ZNF14: variants seen among roughly 807,000 people sequenced by gnomAD.
The protein encoded by ZNF14 is gonadotropin inducible transcription repressor-4.
In ZNF14, 9 loss-of-function variants were observed where a neutral mutation model predicts 11.3. That is an observed-to-expected ratio of 0.80 (90% CI 0.48 to 1.39). The LOEUF (loss-of-function observed/expected upper bound fraction) is 1.39, where lower values mean the gene tolerates loss of function less well. Among genes scored for constraint, ZNF14 ranks in the 40% most tolerant of loss-of-function variants. The probability of loss-of-function intolerance (pLI) is 0.00; values close to 1 mark genes in which losing one functional copy is unlikely to be tolerated. For synonymous variants in ZNF14, 239 were observed against 245.7 expected (o/e 0.97, Z 0.25); for missense variants, 711 against 763.9 (o/e 0.93, Z 0.82).
chr19:19,712,283 CGA>C lies in ZNF14; in HGVS notation c.996_997del (p.Arg333ThrfsTer3). On this transcript the variant is annotated frameshift_variant, in exon 4 of 4. Coordinates refer to ENST00000344099, the MANE Select transcript of ZNF14 (RefSeq NM_021030.3). LOFTEE classifies it low-confidence loss of function (END_TRUNC). ...CCCACATTCTTTACATTTATAAGGT[CGA>C]GCCCCAGTGTGTATTATTACATGTG... 1 of 1,613,586 alleles carries C rather than the reference CGA, an allele frequency of 6.2e-7. No homozygotes were observed. The highest frequency in any genetic ancestry group is 8.5e-7 in the Non-Finnish European group (1 of 1,179,920).
rs1234336092 is a variant in ZNF14 at position 19,725,307 on chromosome 19, G to A, written c.3+7649C>T. On this transcript the variant is annotated intron_variant, in intron 1 of 3. Transcript: ENST00000344099. ...AAAATCTCTCAGCATTTGTTTGTCT[G>A]TAAAGGATTTTATTTCTCCTTCACT... Among the ~76,000 whole-genome samples, 2 of 133,362 alleles carry A rather than the reference G, an allele frequency of 1.5e-5. 1 individual carries two copies. 87.5% of individuals were successfully genotyped at this position (133,362 alleles called of 152,430 possible). A position where few individuals can be genotyped will look rare whatever the true frequency, so the allele number is the denominator to read the frequency against.
At chr19:19,715,427 C>T (rs2062375172) in intron 1 of ZNF14, among the ~76,000 whole-genome samples, 1 of 152,168 alleles carries the variant, frequency 6.6e-6, no homozygotes, top group Non-Finnish European at 1.5e-5. Flanking sequence ...TATTTAGGTG[C>T]ACCCACCCAG....
At chr19:19,732,545 G>C (rs142175768) in intron 1 of ZNF14, among the ~76,000 whole-genome samples, 1 of 152,358 alleles carries the variant, frequency 6.6e-6, no homozygotes, top group East Asian at 1.9e-4. Flanking sequence ...CGGCAGCAAG[G>C]ACCTAGCCAG....
intron 1 of ZNF14, among the ~76,000 whole-genome samples, chr19:19,731,583 A>G (rs78125585): frequency 1.3e-5 from 2 of 152,108 alleles, no homozygotes; most frequent in Admixed American, 6.6e-5. Context: ...CTCAAAAAAA[A>G]GAAAAAAAAC....
At position 19,713,083 on chromosome 19, in the gene ZNF14, A is replaced by G; in HGVS notation, c.198T>C (p.His66=). 6.4e-7 allele frequency: 1 copy of G among 1,568,920 alleles called. No homozygotes were observed. Among genetic ancestry groups the G allele is most frequent in the Non-Finnish European group, 8.6e-7 (1 of 1,160,086 alleles). ...HRNQGKNRRC[H]MVERLCESRR... is the part of the protein sequence containing the mutation. Reference sequence around the variant, plus strand: ...TACTTTCACAGAGTCTCTCAACCATATGACATCTGTAAAAAATGAATAGCA... The same window carrying G: ...TACTTTCACAGAGTCTCTCAACCATGTGACATCTGTAAAAAATGAATAGCA... Residue 66 remains histidine (H), a synonymous_variant, in exon 4 of 4, where the codon CAT becomes CAC. Transcript: ENST00000344099.
intron 1 of ZNF14, among the ~76,000 whole-genome samples, chr19:19,715,577 G>A (rs554816268): frequency 2.6e-5 from 4 of 152,156 alleles, no homozygotes; most frequent in Non-Finnish European, 5.9e-5. Flanking sequence ...ATTAAAACAC[G>A]CATTACATTA....
Position 19,712,006 on chromosome 19 carries a change from A to G in ZNF14, c.1275T>C (p.Gly425=). The part of the protein sequence containing the change: ...GEKPYECKQC[G]KTFSFSSSLQ... ...GGGAACTTGAAAAACTGAAGGTTTT[A>G]CCACATTGTTTACATTCATAGGGTT... The change falls in exon 4 of 4, where the codon GGT becomes GGC. Residue 425 remains glycine, a synonymous_variant. Coordinates refer to ENST00000344099, the MANE Select transcript of ZNF14 (RefSeq NM_021030.3). The G allele has an allele frequency of 6.2e-7, 1 of 1,612,572 alleles. No homozygotes were observed. Among genetic ancestry groups the G allele is most frequent in the Non-Finnish European group, 8.5e-7 (1 of 1,179,574 alleles).
chr19:19,717,278 A>G (rs185700558), intron 1 of ZNF14, among the ~76,000 whole-genome samples: 6 of 152,274 alleles, frequency 3.9e-5, no homozygotes, highest in Admixed American at 3.9e-4. Context: ...CACCGGTTTA[A>G]TTACAAAACA....
In ZNF14 at chr19:19,711,397, A is replaced by C; in HGVS notation, c.1884T>G (p.Ser628Arg). The change falls in exon 4 of 4, where the codon AGT becomes AGG. Residue 628 changes from serine to arginine, a missense_variant. Ser to Arg is a moderately radical substitution (Grantham distance 110). Coordinates refer to ENST00000344099, the MANE Select transcript of ZNF14 (RefSeq NM_021030.3). Reference sequence around the variant, plus strand: ...GAGTCCTTTCATGCAGTCGAAAGTGACTGGAAGAAATGAAGGCTTTTCCAC... The same window carrying C: ...GAGTCCTTTCATGCAGTCGAAAGTGCCTGGAAGAAATGAAGGCTTTTCCAC... ...KQCGKAFISS[S>R]HFRLHERTHM... is the part of the protein sequence containing the mutation. 6.3e-7 allele frequency: 1 copy of C among 1,590,952 alleles called. No homozygotes were observed. Among genetic ancestry groups the C allele is most frequent in the Non-Finnish European group, 8.5e-7 (1 of 1,170,528 alleles).
Position 19,712,196 on chromosome 19 carries a change from G to C in ZNF14, c.1085C>G (p.Pro362Arg). 6.2e-7 allele frequency: 1 copy of C among 1,613,962 alleles called. No homozygotes were observed. Among genetic ancestry groups the C allele is most frequent in the South Asian group, 1.1e-5 (1 of 91,048 alleles). ...TTTGCCACATCGTTTACATTCATAT[G>C]GTTTTTCTCCAATATGAGTTCTTTC... ...VHERTHIGEK[P>R]YECKRCGKSF... The change falls in exon 4 of 4, where the codon CCA becomes CGA. Residue 362 changes from proline to arginine, a missense_variant. Physicochemically the swap from Pro to Arg is moderately radical, Grantham distance 103 (BLOSUM62 -2). Transcript: ENST00000344099.
At chr19:19,726,181 C>T (rs2036972080) in intron 1 of ZNF14, among the ~76,000 whole-genome samples, 1 of 134,590 alleles carries the variant, frequency 7.4e-6, no homozygotes, top group African/African-American at 2.7e-5. Flanking sequence ...TTAGAATTTT[C>T]AGCTTTTCTG....
Position 19,728,747 on chromosome 19 carries a change from C to T in ZNF14, c.3+4209G>A, listed in dbSNP as rs1377260578. Among the ~76,000 whole-genome samples, 8 of 117,012 alleles carry T rather than the reference C, an allele frequency of 6.8e-5. 2 individuals are homozygous for T. The highest frequency in any genetic ancestry group is 1.7e-4 in the Admixed American group (2 of 11,906). 76.8% of individuals were successfully genotyped at this position (117,012 alleles called of 152,430 possible). On this transcript the variant is annotated intron_variant, in intron 1 of 3. Coordinates refer to ENST00000344099, the MANE Select transcript of ZNF14 (RefSeq NM_021030.3). ...CATATACCCAACTTTCAGACCTCCACGGGAAAAAATACCAATGCCACTGGG... is the reference window on the plus strand; with the variant it reads ...CATATACCCAACTTTCAGACCTCCATGGGAAAAAATACCAATGCCACTGGG...
chr19:19,718,256 T>C (rs529043695), intron 1 of ZNF14, among the ~76,000 whole-genome samples: 1 of 152,300 alleles, frequency 6.6e-6, no homozygotes, highest in East Asian at 1.9e-4. Context: ...ATGGAAATGT[T>C]GAACAATATG....
rs551234505 is a variant in ZNF14 at position 19,727,480 on chromosome 19, T to A, written c.3+5476A>T. On this transcript the variant is annotated intron_variant, in intron 1 of 3. Transcript: ENST00000344099. The stretch of plus-strand genomic sequence containing the variant: ...AAAGGGATATAACAGATACAACAAC[T>A]ACTACTACTACTACTTCTGTTCCTA... Among the ~76,000 whole-genome samples the A allele has an allele frequency of 2.1e-4, 27 of 131,550 alleles. 9 individuals are homozygous for A. Among genetic ancestry groups the A allele is most frequent in the African/African-American group, 5.4e-4 (19 of 35,508 alleles). The allele number at this position is 131,550 out of a possible 152,430, so 86.3% of individuals were successfully genotyped here.
At position 19,711,083 on chromosome 19, in the gene ZNF14, AAAAAAAC is replaced by A. The variant is rs889694760; in HGVS notation, c.*262_*268del. The A allele has an allele frequency of 8.9e-5, 32 of 361,580 alleles. No individual in the cohort carries two copies. The highest frequency in any genetic ancestry group is 1.7e-4 in the Admixed American group (4 of 23,306). The allele number at this position is 361,580 out of a possible 1,614,324, so 22.4% of individuals were successfully genotyped here. On this transcript the variant is annotated 3_prime_UTR_variant, in exon 4 of 4. Transcript: ENST00000344099. ...TGAGCCAACAAGCTTGGCCTTTTTTAAAAAAACAAAAAACAAAAAACAAAACAGATTT... is the reference window on the plus strand; with the variant it reads ...TGAGCCAACAAGCTTGGCCTTTTTTAAAAAAACAAAAAACAAAACAGATTT...
intron 1 of ZNF14, among the ~76,000 whole-genome samples, chr19:19,724,243 G>A (rs12978080): frequency 0.28 from 36,086 of 130,994 alleles, 11,307 homozygotes; most frequent in Non-Finnish European, 0.38. Context: ...CCCTCTACAC[G>A]CTGCTTTAAA....
At position 19,712,805 on chromosome 19, in the gene ZNF14, T is replaced by A. The variant is rs760434354; in HGVS notation, c.476A>T (p.His159Leu). 6.2e-7 allele frequency: 1 copy of A among 1,614,224 alleles called. No individual in the cohort carries two copies. Among genetic ancestry groups the A allele is most frequent in the Non-Finnish European group, 8.5e-7 (1 of 1,180,032 alleles). Residue 159 changes from histidine to leucine, a missense_variant, in exon 4 of 4, where the codon CAT (histidine) becomes CTT (leucine). By Grantham distance (99) the His-to-Leu change is moderately conservative. Transcript: ENST00000344099. ...CTTCACTCCAGTGTGAGTTCTTTCA[T>A]GTTTGCGAAAGCAGTGGTGATAACT... ...TFSYHHCFRK[H>L]ERTHTGVKPY...
At chr19:19,732,036 A>C (rs1001194813) in intron 1 of ZNF14, among the ~76,000 whole-genome samples, 4 of 152,212 alleles carry the variant, frequency 2.6e-5, no homozygotes, top group African/African-American at 9.6e-5. Context: ...ACTGCACTCC[A>C]TCCCGGGCGA....
chr19:19,721,697 C>T (rs2062393719), intron 1 of ZNF14, among the ~76,000 whole-genome samples: 1 of 152,270 alleles, frequency 6.6e-6, no homozygotes, highest in African/African-American at 2.4e-5. Flanking sequence ...TGTGGTGGCT[C>T]ATGCCTGTAA....
Sources: allele counts gnomAD v4.1 joint callset (sites outside exome capture counted in the v4.1 genomes callset), GRCh38; gene constraint gnomAD v4.1.1; transcripts MANE v1.5; gene names NCBI Gene and HGNC (gene_info 2026-07-23, HGNC 2026-07-21).